The following RASGEF1C variants were observed in gnomAD, a reference collection of about 807,000 sequenced individuals.
RASGEF1C encodes the protein ras-GEF domain-containing family member 1C.
Under a neutral mutation model 58.1 loss-of-function variants are expected in RASGEF1C, and 27 were observed. The observed-to-expected ratio is 0.46, with a 90% CI of 0.34 to 0.64. The LOEUF is 0.64. RASGEF1C is among the 30% of genes least tolerant of loss of function. RASGEF1C has a pLI of 0.01. For missense variants in RASGEF1C, 502 were observed against 605.1 expected, an observed-to-expected ratio of 0.83 and a Z score of 1.79; for synonymous variants, 243 against 246.3, an observed-to-expected ratio of 0.99 and a Z score of 0.13.
chr5:180,124,975 A>T (rs1007685363), intron 6 of RASGEF1C, among the ~76,000 whole-genome samples: 2 of 152,134 alleles, frequency 1.3e-5, no homozygotes, highest in African/African-American at 2.4e-5. Flanking sequence ...TCCACAAAAA[A>T]TACCAAAATT....
chr5:180,162,341 T>A (rs1766956992), intron 1 of RASGEF1C, among the ~76,000 whole-genome samples: 1 of 152,224 alleles, frequency 6.6e-6, no homozygotes. Context: ...GGCTGGGCAG[T>A]GGAGAAACTG....
At chr5:180,176,472 G>T (rs1358399857) in intron 1 of RASGEF1C, among the ~76,000 whole-genome samples, 1 of 152,142 alleles carries the variant, frequency 6.6e-6, no homozygotes, top group Non-Finnish European at 1.5e-5. Flanking sequence ...CCCCTGCCAG[G>T]ACCAGGCAGA....
intron 1 of RASGEF1C, among the ~76,000 whole-genome samples, chr5:180,147,078 T>A (rs1314537370): frequency 6.6e-6 from 1 of 151,962 alleles, no homozygotes; most frequent in Non-Finnish European, 1.5e-5. Context: ...TTGTTCAAAT[T>A]TCCAATTTGT....
chr5:180,111,782 A>G (rs1464194504), intron 11 of RASGEF1C, among the ~76,000 whole-genome samples: 2 of 152,096 alleles, frequency 1.3e-5, no homozygotes, highest in South Asian at 4.1e-4. Flanking sequence ...GTTTTATGTC[A>G]TTGTATTTAC....
intron 4 of RASGEF1C, among the ~76,000 whole-genome samples, chr5:180,131,081 T>C (rs1766358263): frequency 1.3e-5 from 2 of 152,256 alleles, no homozygotes; most frequent in South Asian, 4.2e-4. Flanking sequence ...CCCAGGCCAC[T>C]GTCATCTCTC....
intron 12 of RASGEF1C, among the ~76,000 whole-genome samples, chr5:180,103,451 G>A (rs935603302): frequency 1.3e-5 from 2 of 152,208 alleles, no homozygotes; most frequent in Non-Finnish European, 2.9e-5. Context: ...TCATGTGAGT[G>A]ACTGTAAATG....
intron 1 of RASGEF1C, among the ~76,000 whole-genome samples, chr5:180,141,200 A>T (rs956138657): frequency 4.5e-4 from 68 of 152,342 alleles, no homozygotes; most frequent in African/African-American, 1.6e-3. Context: ...ATGCGTTTTG[A>T]GGACCTTTCC....
intron 4 of RASGEF1C, among the ~76,000 whole-genome samples, chr5:180,135,472 C>T (rs1766454961): frequency 6.6e-6 from 1 of 152,146 alleles, no homozygotes; most frequent in Non-Finnish European, 1.5e-5. Context: ...CAACATGTGC[C>T]CCCGCCCACG....
At chr5:180,190,506 A>AAATAAT (rs370402852) in intron 1 of RASGEF1C, among the ~76,000 whole-genome samples, 1 of 97,556 alleles carries the variant, frequency 1.0e-5, no homozygotes, top group Admixed American at 1.1e-4. Flanking sequence ...AAAAAAAAAA[A>AAATAAT]AATAATAATA....
At chr5:180,159,066 T>C (rs1470379918) in intron 1 of RASGEF1C, among the ~76,000 whole-genome samples, 1 of 152,032 alleles carries the variant, frequency 6.6e-6, no homozygotes, top group East Asian at 1.9e-4. Context: ...CTACTTTTTG[T>C]TCTTTTTTTC....
intron 4 of RASGEF1C, among the ~76,000 whole-genome samples, chr5:180,132,969 GAA>G (rs34307583): frequency 1.4e-4 from 14 of 99,190 alleles, no homozygotes; most frequent in South Asian, 3.4e-4. Flanking sequence ...CTCCGTCTCA[GAA>G]AAAAAAAAAA....
chr5:180,117,324 C>A (rs1561732651), intron 10 of RASGEF1C, among the ~76,000 whole-genome samples: 1 of 152,238 alleles, frequency 6.6e-6, no homozygotes, highest in African/African-American at 2.4e-5. Context: ...CACAAGCGTG[C>A]ACACCTCAGC....
At chr5:180,181,475 G>A (rs1767324204) in intron 1 of RASGEF1C, among the ~76,000 whole-genome samples, 1 of 152,152 alleles carries the variant, frequency 6.6e-6, no homozygotes, top group African/African-American at 2.4e-5. Flanking sequence ...CCACACTGGA[G>A]TGGAGTGGAG....
chr5:180,114,580 T>C, intron 10 of RASGEF1C, 39 bp from the exon 11 acceptor site: 2 of 1,578,180 alleles, frequency 1.3e-6, no homozygotes, highest in Non-Finnish European at 1.7e-6. Context: ...CAGCCGGCCC[T>C]CCACACAGCG....
At chr5:180,135,483 T>A (rs973493620) in intron 4 of RASGEF1C, among the ~76,000 whole-genome samples, 4 of 152,284 alleles carry the variant, frequency 2.6e-5, no homozygotes, top group African/African-American at 9.6e-5. Flanking sequence ...CCCGCCCACG[T>A]TTCCCCCTTC....
At chr5:180,192,084 C>G (rs185541148) in intron 1 of RASGEF1C, among the ~76,000 whole-genome samples, 97 of 152,312 alleles carry the variant, frequency 6.4e-4, no homozygotes, top group Middle Eastern at 6.8e-3. Flanking sequence ...TTGGGAAGGA[C>G]CCTGTGCTTT....
At chr5:180,125,504 C>T (rs1766240273) in intron 6 of RASGEF1C, among the ~76,000 whole-genome samples, 5 of 152,216 alleles carry the variant, frequency 3.3e-5, no homozygotes, top group Non-Finnish European at 2.9e-5. Context: ...TTAGTCAGGC[C>T]GGGCGTGGTG....
chr5:180,190,502 AAAAAAATAAT>A (rs1270696364), intron 1 of RASGEF1C, among the ~76,000 whole-genome samples: 2 of 100,814 alleles, frequency 2.0e-5, no homozygotes, highest in African/African-American at 3.1e-5. Flanking sequence ...AAAAAAAAAA[AAAAAAATAAT>A]AATAATAATA....
At chr5:180,121,682 C>CACACACA (rs1766179905) in intron 6 of RASGEF1C, among the ~76,000 whole-genome samples, 1 of 33,476 alleles carries the variant, frequency 3.0e-5, no homozygotes, top group Non-Finnish European at 5.8e-5. Flanking sequence ...CACACACACA[C>CACACACA]CCTCATTATT....
Sources: gnomAD v4.1 joint callset for allele counts (sites outside exome capture counted in the v4.1 genomes callset) on GRCh38, gnomAD v4.1.1 for gene constraint, MANE v1.5 for transcripts, NCBI Gene and HGNC (gene_info 2026-07-23, HGNC 2026-07-21) for gene names.